DLGAP2: variants seen among roughly 807,000 people sequenced by gnomAD.
DLGAP2 encodes the protein disks large-associated protein 2.
Under a neutral mutation model 100.3 loss-of-function variants are expected in DLGAP2, and 26 were observed. The ratio of observed to expected loss-of-function variants is 0.26; its 90% confidence interval spans 0.19 to 0.36. The LOEUF (loss-of-function observed/expected upper bound fraction) is 0.36. Ranked by LOEUF, DLGAP2 falls within the 10% of genes least tolerant of loss-of-function variation. The probability of loss-of-function intolerance (pLI) is 1.00; values close to 1 mark genes in which losing one functional copy is unlikely to be tolerated. For synonymous variants in DLGAP2, 886 were observed against 630.1 expected (o/e 1.41, Z -6.08); for missense variants, 1,858 against 1,453.2 (o/e 1.28, Z -4.53).
Position 1,287,095 on chromosome 8 carries a change from T to A in DLGAP2, c.106+28212T>A, listed in dbSNP as rs183473376. On this transcript the variant is annotated intron_variant, in intron 3 of 14. Transcript: ENST00000637795. ...GGAACTGGTTTCGGTTCAGTATGTG[T>A]GTGCATGGTTAAGAGGGGAACTAGT... 1.7e-3 allele frequency among the ~76,000 whole-genome samples: 255 copies of A among 152,262 alleles called. 1 individual carries two copies. Among genetic ancestry groups the A allele is most frequent in the Middle Eastern group, 3.4e-3 (1 of 294 alleles).
rs1404225301 is a variant in DLGAP2 at position 1,705,910 on chromosome 8, AC to A, written c.*4508del. 1 of 152,062 alleles carries A rather than the reference AC, an allele frequency of 6.6e-6. No homozygotes were observed. The highest frequency in any genetic ancestry group is 1.5e-5 in the Non-Finnish European group (1 of 68,026). The allele number at this position is 152,062 out of a possible 1,614,324, so 9.4% of individuals were successfully genotyped here. A position where few individuals can be genotyped will look rare whatever the true frequency, so the allele number is the denominator to read the frequency against. On this transcript the variant is annotated 3_prime_UTR_variant, in exon 15 of 15. Coordinates refer to ENST00000637795, the MANE Select transcript of DLGAP2 (RefSeq NM_001346810.2). ...ACGAGCTTAAGAGGTGAAAAAGATG[AC>A]CCCTTTCTGATTAGGATCTGTAACT... is the stretch of plus-strand genomic sequence containing the variant.
At chr8:1,576,821 T>C (rs147944253) in intron 6 of DLGAP2, among the ~76,000 whole-genome samples, 1,559 of 152,314 alleles carry the variant, frequency 0.01, 35 homozygotes, top group African/African-American at 0.036. Context: ...TCCATTGGTC[T>C]ATATCTCTGT....
At chr8:1,330,226 G>A (rs1801117573) in intron 3 of DLGAP2, among the ~76,000 whole-genome samples, 1 of 152,148 alleles carries the variant, frequency 6.6e-6, no homozygotes, top group African/African-American at 2.4e-5. Context: ...ACTTCACAGG[G>A]ACTGAGTTCT....
rs1021407533 is a variant in DLGAP2, at chr8:1,591,605, G to C, written c.1442+25711G>C. 2.0e-4 allele frequency among the ~76,000 whole-genome samples: 30 copies of C among 152,222 alleles called. 1 individual carries two copies. Among genetic ancestry groups the C allele is most frequent in the African/African-American group, 7.2e-4 (30 of 41,534 alleles). On this transcript the variant is annotated intron_variant, in intron 6 of 14. Transcript: ENST00000637795. Reference sequence around the variant, plus strand: ...GGTACGTTTCTTTGGGACTCACTGTGGGTAAAATGACCCACACCCGATACT... The same window carrying C: ...GGTACGTTTCTTTGGGACTCACTGTCGGTAAAATGACCCACACCCGATACT...
At chr8:1,068,455 G>A (rs533526176) in intron 2 of DLGAP2, among the ~76,000 whole-genome samples, 14 of 152,258 alleles carry the variant, frequency 9.2e-5, no homozygotes, top group African/African-American at 3.1e-4. Flanking sequence ...CCTCAGCGGC[G>A]CTTGAGGCTG....
intron 3 of DLGAP2, among the ~76,000 whole-genome samples, chr8:1,364,344 G>A (rs115356792): frequency 1.8e-4 from 28 of 152,286 alleles, no homozygotes; most frequent in East Asian, 1.7e-3. Context: ...GAATAGGATC[G>A]TTCTCGTGAT....
chr8:987,121 G>A (rs1006410479), intron 2 of DLGAP2, among the ~76,000 whole-genome samples: 1 of 152,054 alleles, frequency 6.6e-6, no homozygotes, highest in Admixed American at 6.6e-5. Flanking sequence ...GGGCATTTCG[G>A]TTCTTCCTGA....
At chr8:821,700 A>C (rs890326391) in intron 1 of DLGAP2, among the ~76,000 whole-genome samples, 3 of 152,234 alleles carry the variant, frequency 2.0e-5, no homozygotes, top group Non-Finnish European at 4.4e-5. Context: ...TTTCACAGAT[A>C]GCTATTTTTC....
At chr8:884,405 T>C (rs1339917219) in intron 1 of DLGAP2, among the ~76,000 whole-genome samples, 3 of 152,254 alleles carry the variant, frequency 2.0e-5, no homozygotes, top group African/African-American at 7.2e-5. Context: ...TGTTGAGCTT[T>C]TTTTCATGTT....
chr8:1,074,526 A>G (rs1281732081), intron 2 of DLGAP2, among the ~76,000 whole-genome samples: 1 of 152,180 alleles, frequency 6.6e-6, no homozygotes, highest in Non-Finnish European at 1.5e-5. Flanking sequence ...GAGAGCTCCC[A>G]CCTTCACAGC....
chr8:1,053,241 C>G (rs576419633), intron 2 of DLGAP2, among the ~76,000 whole-genome samples: 1 of 152,268 alleles, frequency 6.6e-6, no homozygotes, highest in Non-Finnish European at 1.5e-5. Flanking sequence ...TGGTGACTGG[C>G]CAGTCTATTT....
At chr8:1,319,649 T>TGGGGAG (rs1800849865) in intron 3 of DLGAP2, among the ~76,000 whole-genome samples, 1 of 152,098 alleles carries the variant, frequency 6.6e-6, no homozygotes, top group Non-Finnish European at 1.5e-5. Context: ...GGAGAGTGAC[T>TGGGGAG]GGGGAGGGGC....
At chr8:1,209,171 CA>C (rs1313707082) in intron 2 of DLGAP2, among the ~76,000 whole-genome samples, 4 of 151,840 alleles carry the variant, frequency 2.6e-5, no homozygotes, top group African/African-American at 9.7e-5. Flanking sequence ...CATATGGAAC[CA>C]AAAAAGAGCC....
chr8:1,324,959 C>T (rs1274984934), intron 3 of DLGAP2, among the ~76,000 whole-genome samples: 4 of 152,188 alleles, frequency 2.6e-5, no homozygotes, highest in East Asian at 1.9e-4. Flanking sequence ...GAGGCAGACT[C>T]GGGATGAGAA....
chr8:1,661,767 T>C (rs1450164898), intron 8 of DLGAP2, among the ~76,000 whole-genome samples: 1 of 152,178 alleles, frequency 6.6e-6, no homozygotes, highest in Non-Finnish European at 1.5e-5. Context: ...ATAAGACAGA[T>C]GTAACTTTCT....
chr8:1,262,408 T>C (rs1171536849), intron 3 of DLGAP2: 1 of 152,186 alleles, frequency 6.6e-6, no homozygotes. Context: ...CCTTTGTTCC[T>C]ACCAAGAAGA....
intron 1 of DLGAP2, among the ~76,000 whole-genome samples, chr8:905,121 A>T (rs2128998243): frequency 6.6e-6 from 1 of 152,246 alleles, no homozygotes. Flanking sequence ...TCACACGTGG[A>T]TTCTACCCTG....
intron 3 of DLGAP2, among the ~76,000 whole-genome samples, chr8:1,339,934 C>T (rs1392453142): frequency 6.6e-6 from 1 of 152,228 alleles, no homozygotes; most frequent in East Asian, 1.9e-4. Context: ...GCTGTGCAAA[C>T]AGCTAGTATC....
intron 2 of DLGAP2, among the ~76,000 whole-genome samples, chr8:1,023,845 C>G (rs1801697837): frequency 1.0e-5 from 1 of 97,246 alleles, no homozygotes; most frequent in Non-Finnish European, 2.3e-5. Context: ...TGCAAGTGCT[C>G]AAACTTTATA....
Sources: gnomAD v4.1 joint callset for allele counts (sites outside exome capture counted in the v4.1 genomes callset) on GRCh38, gnomAD v4.1.1 for gene constraint, MANE v1.5 for transcripts, NCBI Gene and HGNC (gene_info 2026-07-23, HGNC 2026-07-21) for gene names.